SIM2: variants seen among roughly 807,000 people sequenced by gnomAD.
The protein encoded by SIM2 is SIM bHLH transcription factor 2, also known as single-minded homolog 2.
Under a neutral mutation model 64.8 loss-of-function variants are expected in SIM2, and 28 were observed. The observed-to-expected ratio is 0.43, with a 90% confidence interval of 0.32 to 0.59. The LOEUF (loss-of-function observed/expected upper bound fraction) is 0.59. Among genes scored for constraint, SIM2 ranks in the 20% least tolerant of loss-of-function variants. SIM2 has a pLI of 0.07. For synonymous variants in SIM2, 408 were observed against 391.1 expected, an observed-to-expected ratio of 1.04 and a Z score of -0.51; for missense variants, 847 against 871.4, an observed-to-expected ratio of 0.97 and a Z score of 0.35.
chr21:36,721,623 A>G (rs1413740936), intron 4 of SIM2, among the ~76,000 whole-genome samples: 1 of 151,946 alleles, frequency 6.6e-6, no homozygotes, highest in African/African-American at 2.4e-5. Context: ...TTGTATTTTT[A>G]TTAGAGACAG....
chr21:36,725,351 A>G (rs1304573361), intron 5 of SIM2, among the ~76,000 whole-genome samples: 5 of 152,204 alleles, frequency 3.3e-5, no homozygotes, highest in Non-Finnish European at 7.3e-5. Flanking sequence ...TGTCTAAAAA[A>G]AAATCTACGG....
At chr21:36,734,346 C>T (rs571663878) in intron 7 of SIM2, among the ~76,000 whole-genome samples, 1 of 152,300 alleles carries the variant, frequency 6.6e-6, no homozygotes, top group South Asian at 2.1e-4. Flanking sequence ...CAAGCAGGCA[C>T]AGGCTCAAAA....
chr21:36,712,563 T>A lies in SIM2; in HGVS notation c.289T>A (p.Ser97Thr). The A allele has an allele frequency of 1.2e-6, 2 of 1,613,768 alleles. No homozygotes were observed. The highest frequency in any genetic ancestry group is 1.7e-6 in the Non-Finnish European group (2 of 1,179,682). ...GGATGGATTTGTTTTTGTGGTAGCA[T>A]CTGATGGCAAAATCATGTATATATC... ...TLDGFVFVVASDGKIMYISET... is the reference protein window; with the variant it reads ...TLDGFVFVVATDGKIMYISET... Residue 97 changes from serine to threonine, a missense_variant, in exon 3 of 11, where the codon TCT (serine) becomes ACT (threonine). Ser to Thr is a moderately conservative substitution (Grantham distance 58). Around this residue, in one of 3 missense-constraint regions of SIM2, gnomAD observed 397 missense variants for 439.2 expected, o/e 0.90. Coordinates refer to ENST00000290399, the MANE Select transcript of SIM2 (RefSeq NM_005069.6).
intron 1 of SIM2, 147 bp downstream of exon 1, chr21:36,700,068 G>A (rs2088467541): frequency 2.5e-6 from 2 of 813,460 alleles, no homozygotes; most frequent in Non-Finnish European, 3.7e-6. Flanking sequence ...GAGGGTCTTC[G>A]GCTTCGGCGC....
chr21:36,743,991 G>A (rs1024021001), intron 9 of SIM2, among the ~76,000 whole-genome samples: 5 of 152,348 alleles, frequency 3.3e-5, no homozygotes, highest in South Asian at 2.1e-4. Flanking sequence ...GCCCATGCCT[G>A]TAATACCAGC....
chr21:36,705,730 C>A (rs967614884), intron 1 of SIM2, among the ~76,000 whole-genome samples: 2 of 152,226 alleles, frequency 1.3e-5, no homozygotes, highest in East Asian at 3.8e-4. Context: ...GGATTTACCA[C>A]ACTCCCAGGT....
At position 36,719,930 on chromosome 21, in the gene SIM2, G is replaced by A; in HGVS notation, c.457+1G>A. ...CCGCTGCACCACCACCTGCTCCAAG[G>A]TATTCCATCCAGAGGGAAAAAAAAA... On this transcript the variant is annotated splice_donor_variant, in intron 4 of 10. Transcript: ENST00000290399. LOFTEE classifies it high-confidence loss of function. 2.5e-6 allele frequency: 4 copies of A among 1,578,242 alleles called. No individual in the cohort carries two copies. Among genetic ancestry groups the A allele is most frequent in the Non-Finnish European group, 3.5e-6 (4 of 1,149,760 alleles).
rs927831387 is a variant in SIM2 at position 36,709,419 on chromosome 21, C to G, written c.258+169C>G. On this transcript the variant is annotated intron_variant, in intron 2 of 10. Coordinates refer to ENST00000290399, the MANE Select transcript of SIM2 (RefSeq NM_005069.6). ...GCGGAGGGATGGACGCTTAGCATGTCGGATGCGGCCTGCGGCCAACCCTAC... is the reference window on the plus strand; with the variant it reads ...GCGGAGGGATGGACGCTTAGCATGTGGGATGCGGCCTGCGGCCAACCCTAC... The G allele has an allele frequency of 2.4e-5, 17 of 713,660 alleles. No homozygotes were observed. In the African/African-American group the frequency reaches 3.0e-4, roughly 12 times the overall value. 44.2% of individuals were successfully genotyped at this position (713,660 alleles called of 1,614,324 possible).
intron 5 of SIM2, 39 bp downstream of exon 5, chr21:36,723,169 G>C (rs773100393): frequency 1.3e-6 from 2 of 1,517,326 alleles, no homozygotes; most frequent in South Asian, 2.2e-5. Flanking sequence ...GCTGGCTAAG[G>C]GTCTTCAATG....
intron 1 of SIM2, among the ~76,000 whole-genome samples, 176 bp downstream of exon 1, chr21:36,700,097 C>T (rs1235871706): frequency 1.3e-5 from 2 of 152,306 alleles, no homozygotes; most frequent in East Asian, 1.9e-4. Context: ...GGCGAGGGGC[C>T]AGGGCCTTGG....
At chr21:36,701,938 C>T (rs1330224551) in intron 1 of SIM2, among the ~76,000 whole-genome samples, 2 of 152,140 alleles carry the variant, frequency 1.3e-5, no homozygotes, top group Non-Finnish European at 2.9e-5. Flanking sequence ...GCCTTCGAAG[C>T]AGCAATCCAA....
rs530505808 is a variant in SIM2 at position 36,732,361 on chromosome 21, C to G, written c.850+1210C>G. On this transcript the variant is annotated intron_variant, in intron 7 of 10. Transcript: ENST00000290399. The stretch of plus-strand genomic sequence containing the variant: ...TGGCCCAGATGGCATGTCCTCTGTT[C>G]TTGCTCTGCCTTCTGTTGGCTCAGG... Among the ~76,000 whole-genome samples, 3 of 152,340 alleles carry G rather than the reference C, an allele frequency of 2.0e-5. No homozygotes were observed. In the East Asian group the frequency reaches 5.8e-4, roughly 29 times the overall value.
chr21:36,708,365 T>C (rs1377792333), intron 1 of SIM2, among the ~76,000 whole-genome samples: 1 of 152,182 alleles, frequency 6.6e-6, no homozygotes, highest in African/African-American at 2.4e-5. Flanking sequence ...CTCTTTCCCC[T>C]GGTGCGCAAC....
chr21:36,714,803 A>C (rs548519754), intron 3 of SIM2, among the ~76,000 whole-genome samples: 1 of 152,352 alleles, frequency 6.6e-6, no homozygotes, highest in African/African-American at 2.4e-5. Flanking sequence ...CACAATAATT[A>C]AGAAGGACCA....
intron 7 of SIM2, among the ~76,000 whole-genome samples, chr21:36,734,191 A>G (rs185522519): frequency 8.3e-4 from 127 of 152,156 alleles, no homozygotes; most frequent in Non-Finnish European, 1.4e-3. Flanking sequence ...GTTCTGTAGG[A>G]TCCCAGCCCT....
chr21:36,709,456 G>A (rs1329842742), intron 2 of SIM2: 2 of 689,698 alleles, frequency 2.9e-6, no homozygotes, highest in South Asian at 1.5e-5. Flanking sequence ...CTAACCCTAC[G>A]TCTGCCCCCA....
chr21:36,736,987 C>T (rs73398115), intron 7 of SIM2, among the ~76,000 whole-genome samples: 9,301 of 151,826 alleles, frequency 0.061, 356 homozygotes, highest in Middle Eastern at 0.078. Flanking sequence ...AATACAGTAG[C>T]GTGGTCGGAG....
At chr21:36,744,319 A>C (rs1200636032) in intron 9 of SIM2, among the ~76,000 whole-genome samples, 2 of 151,560 alleles carry the variant, frequency 1.3e-5, no homozygotes, top group African/African-American at 4.8e-5. Flanking sequence ...GACAAAAAAA[A>C]AAAAAAAAAG....
chr21:36,718,160 GA>G (rs1166452222), intron 3 of SIM2, among the ~76,000 whole-genome samples: 3 of 152,198 alleles, frequency 2.0e-5, no homozygotes, highest in Admixed American at 6.5e-5. Context: ...TAGCAGGCCA[GA>G]AGTGTAACTT....
Sources: allele counts gnomAD v4.1 joint callset (sites outside exome capture counted in the v4.1 genomes callset), GRCh38; gene constraint gnomAD v4.1.1; regional missense constraint gnomAD v4.1.1; transcripts MANE v1.5; gene names NCBI Gene and HGNC (gene_info 2026-07-23, HGNC 2026-07-21).